Variants in KIF13B observed in about 807,000 individuals in gnomAD.
KIF13B encodes the protein kinesin-like protein KIF13B.
Under a neutral mutation model 222.0 loss-of-function variants are expected in KIF13B, and 127 were observed. The observed-to-expected ratio is 0.57, with a 90% CI of 0.50 to 0.66. The LOEUF (loss-of-function observed/expected upper bound fraction) is 0.66, where lower values mean the gene tolerates loss of function less well. Ranked by LOEUF, KIF13B falls within the 30% of genes least tolerant of loss-of-function variation. KIF13B has a pLI of 0.00. For synonymous variants in KIF13B, 976 were observed against 919.0 expected, an observed-to-expected ratio of 1.06 and a Z score of -1.12; for missense variants, 2,173 against 2,379.0, an observed-to-expected ratio of 0.91 and a Z score of 1.80.
chr8:29,169,254 G>A (rs539497627), intron 10 of KIF13B, among the ~76,000 whole-genome samples: 2 of 152,304 alleles, frequency 1.3e-5, no homozygotes, highest in South Asian at 4.1e-4. Flanking sequence ...TTTTATCGGT[G>A]AGAAAACAGG....
At chr8:29,156,679 A>ATTTT (rs570502495) in intron 13 of KIF13B, among the ~76,000 whole-genome samples, 2 of 144,910 alleles carry the variant, frequency 1.4e-5, no homozygotes, top group Non-Finnish European at 3.0e-5. Context: ...TGACCAACTA[A>ATTTT]TTTTTTTTTT....
intron 13 of KIF13B, 99 bp downstream of exon 13, chr8:29,160,634 T>C: frequency 9.1e-7 from 1 of 1,103,370 alleles, no homozygotes; most frequent in Non-Finnish European, 1.2e-6. Flanking sequence ...AACTTTTTGC[T>C]GTTTTCTGAG....
chr8:29,139,297 CT>C (rs2129915099), intron 21 of KIF13B, among the ~76,000 whole-genome samples: 1 of 152,200 alleles, frequency 6.6e-6, no homozygotes, highest in Admixed American at 6.5e-5. Flanking sequence ...TGTTATTTTA[CT>C]TTAATAGTAG....
chr8:29,243,862 G>A (rs1815894224), intron 2 of KIF13B, among the ~76,000 whole-genome samples: 1 of 152,110 alleles, frequency 6.6e-6, no homozygotes, highest in African/African-American at 2.4e-5. Flanking sequence ...AGAACACTTT[G>A]CAAGATCTTT....
At chr8:29,108,426 C>T (rs147999393) in intron 34 of KIF13B, among the ~76,000 whole-genome samples, 2 of 152,344 alleles carry the variant, frequency 1.3e-5, no homozygotes, top group African/African-American at 4.8e-5. Flanking sequence ...TCAGTTCACA[C>T]TGAGGTCACA....
Position 29,069,241 on chromosome 8 carries a change from C to T in KIF13B, c.*1263G>A, listed in dbSNP as rs1478567560. ...ACCAAAGGCTCTGGGAGCATAAGTG[C>T]CCCAGCCAGGAGGTGGAGGCCACCC... On this transcript the variant is annotated 3_prime_UTR_variant, in exon 40 of 40. Transcript: ENST00000524189. 2.0e-5 allele frequency: 3 copies of T among 152,386 alleles called. No homozygotes were observed. In the East Asian group the frequency reaches 5.8e-4, roughly 29 times the overall value. 9.4% of individuals were successfully genotyped at this position (152,386 alleles called of 1,614,324 possible).
chr8:29,138,304 C>T (rs564266424), intron 21 of KIF13B, among the ~76,000 whole-genome samples: 35 of 152,198 alleles, frequency 2.3e-4, no homozygotes, highest in South Asian at 1.0e-3. Context: ...CACTGTACTC[C>T]AGCCTGGGTG....
At chr8:29,102,742 GCATCT>G (rs1808853103) in intron 35 of KIF13B, among the ~76,000 whole-genome samples, 3 of 152,322 alleles carry the variant, frequency 2.0e-5, no homozygotes, top group Admixed American at 6.5e-5. Flanking sequence ...CTCATGCTTG[GCATCT>G]CCTCCCAGGG....
At position 29,093,417 on chromosome 8, in the gene KIF13B, C is replaced by A. The variant is rs891701291; in HGVS notation, c.4325-539G>T. ...AGAGACGCCCTGAACAACTTACGTTCTTACCTGCTGTTAATTTCCAAAGAC... is the reference window on the plus strand; with the variant it reads ...AGAGACGCCCTGAACAACTTACGTTATTACCTGCTGTTAATTTCCAAAGAC... On this transcript the variant is annotated intron_variant, in intron 36 of 39. Transcript: ENST00000524189. Among the ~76,000 whole-genome samples, 10 of 152,294 alleles carry A rather than the reference C, an allele frequency of 6.6e-5. 2 individuals are homozygous for A. The highest frequency in any genetic ancestry group is 6.5e-4 in the Admixed American group (10 of 15,300).
chr8:29,167,308 A>C (rs1277055283), intron 11 of KIF13B, 65 bp downstream of exon 11: 4 of 1,374,458 alleles, frequency 2.9e-6, no homozygotes, highest in Non-Finnish European at 1.0e-6. Flanking sequence ...CAGGGGAAGG[A>C]AATTCAAGCT....
At chr8:29,148,884 T>G (rs1811179459) in intron 15 of KIF13B, 117 bp from the exon 16 acceptor site, 5 of 728,142 alleles carry the variant, frequency 6.9e-6, no homozygotes, top group Non-Finnish European at 8.7e-6. Flanking sequence ...ACAAGGCAAT[T>G]ACTGTACTCA....
chr8:29,105,092 G>A (rs1307617434), intron 35 of KIF13B, among the ~76,000 whole-genome samples: 5 of 151,754 alleles, frequency 3.3e-5, no homozygotes, highest in South Asian at 4.2e-4. Flanking sequence ...CCTCAGCCTC[G>A]AATAGCTGGG....
At chr8:29,152,747 G>C (rs1024435238) in intron 14 of KIF13B, among the ~76,000 whole-genome samples, 5 of 152,076 alleles carry the variant, frequency 3.3e-5, no homozygotes, top group African/African-American at 1.2e-4. Context: ...GAGTAGCTGG[G>C]ATTATTGGCT....
In KIF13B at chr8:29,228,144, T is replaced by C. The variant is rs952971425; in HGVS notation, c.149+17202A>G. On this transcript the variant is annotated intron_variant, in intron 2 of 39. Transcript: ENST00000524189. Reference sequence around the variant, plus strand: ...AATAATTTTTCACTGGTAAAGTGCATAGTGTTGAAAGTGTGACTAAAATAA... The same window carrying C: ...AATAATTTTTCACTGGTAAAGTGCACAGTGTTGAAAGTGTGACTAAAATAA... Among the ~76,000 whole-genome samples the C allele has an allele frequency of 9.2e-5, 14 of 151,374 alleles. 2 individuals carry two copies. Among genetic ancestry groups the C allele is most frequent in the Admixed American group, 8.6e-4 (13 of 15,176 alleles).
chr8:29,214,432 C>A (rs1814381932), intron 2 of KIF13B, among the ~76,000 whole-genome samples: 1 of 152,228 alleles, frequency 6.6e-6, no homozygotes, highest in African/African-American at 2.4e-5. Context: ...TAGGCCCACA[C>A]AGGGTCAGGA....
At chr8:29,194,835 TCAACA>T (rs1644099082) in intron 3 of KIF13B, among the ~76,000 whole-genome samples, 1 of 152,130 alleles carries the variant, frequency 6.6e-6, no homozygotes, top group Non-Finnish European at 1.5e-5. Flanking sequence ...TGTATTTTAG[TCAACA>T]CAACATTTTT....
intron 2 of KIF13B, among the ~76,000 whole-genome samples, chr8:29,244,448 T>C (rs1283259297): frequency 6.6e-6 from 1 of 152,200 alleles, no homozygotes; most frequent in East Asian, 1.9e-4. Context: ...ACCTCTCCAC[T>C]TTCAGGGCCA....
intron 14 of KIF13B, among the ~76,000 whole-genome samples, chr8:29,151,971 T>C (rs1811317553): frequency 6.6e-6 from 1 of 152,198 alleles, no homozygotes; most frequent in Non-Finnish European, 1.5e-5. Flanking sequence ...AAGATGCCAT[T>C]AAGAACATTT....
intron 18 of KIF13B, among the ~76,000 whole-genome samples, chr8:29,145,685 T>C (rs1279939599): frequency 6.6e-6 from 1 of 151,954 alleles, no homozygotes; most frequent in Non-Finnish European, 1.5e-5. Flanking sequence ...AGTTTTGCTG[T>C]GTTGACTACC....
Sources: gnomAD v4.1 joint callset for allele counts (sites outside exome capture counted in the v4.1 genomes callset) on GRCh38, gnomAD v4.1.1 for gene constraint, MANE v1.5 for transcripts, NCBI Gene and HGNC (gene_info 2026-07-23, HGNC 2026-07-21) for gene names.